The following TTC3 variants were observed in gnomAD, a reference collection of about 807,000 sequenced individuals.
TTC3 encodes E3 ubiquitin-protein ligase TTC3.
TTC3 carries 180 observed loss-of-function variants against 249.6 expected under a neutral mutation model. The ratio of observed to expected loss-of-function variants is 0.72; its 90% confidence interval spans 0.64 to 0.82. TTC3 has a LOEUF of 0.82. TTC3 is among the 40% of genes least tolerant of loss of function. The probability of loss-of-function intolerance (pLI) is 0.00; values close to 1 mark genes in which losing one functional copy is unlikely to be tolerated. For synonymous variants in TTC3, 717 were observed against 805.0 expected, an observed-to-expected ratio of 0.89 and a Z score of 1.85; for missense variants, 2,061 against 2,398.4, an observed-to-expected ratio of 0.86 and a Z score of 2.94.
At chr21:37,188,559 C>T (rs1255070329) in exon 39 of TTC3, 3 of 1,613,888 alleles carry the variant, frequency 1.9e-6, no homozygotes, top group Non-Finnish European at 2.5e-6. Flanking sequence ...GAGTCACAAG[C>T]AGAAGCCTTT....
intron 17 of TTC3, among the ~76,000 whole-genome samples, chr21:37,134,579 T>G (rs1601684609): frequency 6.6e-6 from 1 of 152,172 alleles, no homozygotes; most frequent in Non-Finnish European, 1.5e-5. Context: ...CATACATATT[T>G]GCATTTGCGG....
chr21:37,197,586 TTTA>T (rs1345355603), exon 43 of TTC3: 2 of 1,611,854 alleles, frequency 1.2e-6, no homozygotes, highest in Non-Finnish European at 8.5e-7. Context: ...GCTTGCTGGT[TTTA>T]TTAAAAAAGT....
chr21:37,088,966 T>A, intron 5 of TTC3, 80 bp downstream of exon 5: 1 of 1,262,586 alleles, frequency 7.9e-7, no homozygotes, highest in Non-Finnish European at 1.1e-6. Flanking sequence ...CTCAAATGAC[T>A]AATTTATAGC....
chr21:37,090,723 T>C (rs1601324643), intron 6 of TTC3: 1 of 179,924 alleles, frequency 5.6e-6, no homozygotes, highest in Non-Finnish European at 1.1e-5. Context: ...TTGAAGTTAC[T>C]TTAGACATTA....
intron 13 of TTC3, 30 bp from the exon 14 acceptor site, chr21:37,124,589 G>A: frequency 1.2e-5 from 19 of 1,600,874 alleles, no homozygotes; most frequent in Non-Finnish European, 1.6e-5. Flanking sequence ...TTCAAAAAAT[G>A]TATAATAATT....
intron 13 of TTC3, among the ~76,000 whole-genome samples, chr21:37,123,752 T>G (rs2076815044): frequency 6.6e-6 from 1 of 152,054 alleles, no homozygotes. Context: ...GTATTTTTTT[T>G]TTTTTAATTT....
In TTC3 at chr21:37,079,517, G is replaced by GTTTTTTTTT. The variant is rs60361476; in HGVS notation, c.-12+6179_-12+6187dup. On this transcript the variant is annotated intron_variant, in intron 1 of 45. Coordinates refer to ENST00000355666, the Ensembl canonical transcript of TTC3. ...GTCCTTTCATCAAGTTTATGGTATG[G>GTTTTTTTTT]TTTTTTTTTTTTTTTTTTTTTTTTT... 1.5e-4 allele frequency among the ~76,000 whole-genome samples: 14 copies of GTTTTTTTTT among 91,222 alleles called. 3 individuals carry two copies. The highest frequency in any genetic ancestry group is 5.3e-4 in the African/African-American group (11 of 20,776). 59.8% of individuals were successfully genotyped at this position (91,222 alleles called of 152,430 possible).
At chr21:37,200,356 T>G (rs776819713) in intron 45 of TTC3, 32 bp downstream of exon 45, 3 of 1,588,570 alleles carry the variant, frequency 1.9e-6, no homozygotes, top group Non-Finnish European at 2.6e-6. Context: ...CCTTACAGCA[T>G]GCATTGGGAC....
intron 15 of TTC3, 25 bp from the exon 16 acceptor site, chr21:37,128,978 G>C: frequency 1.3e-6 from 2 of 1,525,940 alleles, no homozygotes; most frequent in Non-Finnish European, 1.8e-6. Flanking sequence ...ACAGATTTTA[G>C]GAACAAATAC....
chr21:37,156,509 A>G lies in TTC3; in HGVS notation c.2741-146A>G. 3 of 955,856 alleles carry G rather than the reference A, an allele frequency of 3.1e-6. No individual in the cohort carries two copies. In the South Asian group the frequency reaches 5.4e-5, roughly 17 times the overall value. The allele number at this position is 955,856 out of a possible 1,614,324, so 59.2% of individuals were successfully genotyped here. A position where few individuals can be genotyped will look rare whatever the true frequency, so the allele number is the denominator to read the frequency against. On this transcript the variant is annotated intron_variant, in intron 27 of 45. Coordinates refer to ENST00000355666, the Ensembl canonical transcript of TTC3. ...TGTTTCTAAAATGCCCAATAGCTTG[A>G]ACGAATCTGTTCTCAACTATTTAAA... is the stretch of plus-strand genomic sequence containing the variant.
At chr21:37,157,189 G>T in intron 28 of TTC3, 1 of 1,358,564 alleles carries the variant, frequency 7.4e-7, no homozygotes, top group Non-Finnish European at 9.8e-7. Context: ...GGGAAAGATT[G>T]CATGTTACAC....
At chr21:37,075,432 T>G (rs1312059573) in intron 1 of TTC3, among the ~76,000 whole-genome samples, 1 of 152,224 alleles carries the variant, frequency 6.6e-6, no homozygotes, top group Non-Finnish European at 1.5e-5. Flanking sequence ...ACCTAAGTAG[T>G]AGATTTGCCG....
exon 42 of TTC3, chr21:37,195,815 T>C (rs2084838048): frequency 6.2e-7 from 1 of 1,614,064 alleles, no homozygotes; most frequent in Non-Finnish European, 8.5e-7. Context: ...CAGGGGAGGC[T>C]CCTTCTGCGC....
At chr21:37,144,009 C>T (rs1202236143) in intron 20 of TTC3, among the ~76,000 whole-genome samples, 3 of 151,488 alleles carry the variant, frequency 2.0e-5, no homozygotes, top group Admixed American at 1.3e-4. Context: ...AACCAAACAC[C>T]GCATGTTCTC....
chr21:37,174,088 T>G (rs1473208900), intron 35 of TTC3, among the ~76,000 whole-genome samples: 1 of 152,176 alleles, frequency 6.6e-6, no homozygotes, highest in Non-Finnish European at 1.5e-5. Context: ...TATCTTTCTT[T>G]CTGGCCGAGG....
intron 32 of TTC3, 93 bp from the exon 33 acceptor site, chr21:37,165,455 CAG>C (rs772109219): frequency 1.7e-4 from 159 of 909,602 alleles, no homozygotes; most frequent in Non-Finnish European, 2.4e-4. Flanking sequence ...AAAAGTGAAA[CAG>C]TGTTTTCCTT....
chr21:37,159,770 C>G (rs766574626), intron 29 of TTC3, 25 bp downstream of exon 29: 2 of 1,514,758 alleles, frequency 1.3e-6, no homozygotes, highest in Non-Finnish European at 1.8e-6. Flanking sequence ...TCACTTGAAT[C>G]TTACGTTCTA....
At chr21:37,094,295 A>AC (rs1428013444) in intron 8 of TTC3, among the ~76,000 whole-genome samples, 1 of 152,216 alleles carries the variant, frequency 6.6e-6, no homozygotes, top group Non-Finnish European at 1.5e-5. Context: ...TAAAAACTTT[A>AC]GTCTTTAATG....
exon 33 of TTC3, chr21:37,165,925 C>T: frequency 6.2e-7 from 1 of 1,614,172 alleles, no homozygotes; most frequent in Non-Finnish European, 8.5e-7. Context: ...ATGTGAAACC[C>T]AAACCTGTGT....
Sources: gnomAD v4.1 joint callset for allele counts (sites outside exome capture counted in the v4.1 genomes callset) on GRCh38, gnomAD v4.1.1 for gene constraint, MANE v1.5 for transcripts, NCBI Gene and HGNC (gene_info 2026-07-23, HGNC 2026-07-21) for gene names.